EPHB2: variants seen among roughly 807,000 people sequenced by gnomAD.
EPHB2 encodes EPH receptor B2, also known as ephrin type-B receptor 2.
Under a neutral mutation model 96.4 loss-of-function variants are expected in EPHB2, and 18 were observed. The ratio of observed to expected loss-of-function variants is 0.19; its 90% CI spans 0.13 to 0.28. The LOEUF (loss-of-function observed/expected upper bound fraction) is 0.28. Ranked by LOEUF, EPHB2 falls within the 10% of genes least tolerant of loss-of-function variation. The pLI is 1.00. For synonymous variants in EPHB2, 506 were observed against 534.1 expected, an observed-to-expected ratio of 0.95 and a Z score of 0.72; for missense variants, 989 against 1,355.4, an observed-to-expected ratio of 0.73 and a Z score of 4.25.
Position 22,913,634 on chromosome 1 carries a change from C to A in EPHB2, c.*64C>A. 1 of 1,605,622 alleles carries A rather than the reference C, an allele frequency of 6.2e-7. No individual in the cohort carries two copies. The highest frequency in any genetic ancestry group is 8.5e-7 in the Non-Finnish European group (1 of 1,176,304). The stretch of plus-strand genomic sequence containing the variant: ...GCCCCCTCTGCCCCACGTGCCGGCC[C>A]TCCTGGTGCTCTATCCACTGCAGGG... On this transcript the variant is annotated 3_prime_UTR_variant, in exon 16 of 16. Coordinates refer to ENST00000374630, the MANE Select transcript of EPHB2 (RefSeq NM_017449.5). This position sits in a 1 kb window ranked among gnomAD's most constrained non-coding sequence, Gnocchi z 4.1.
Position 22,847,313 on chromosome 1 carries a change from C to T in EPHB2, c.812-15724C>T, listed in dbSNP as rs186537033. Among the ~76,000 whole-genome samples, 322 of 152,290 alleles carry T rather than the reference C, an allele frequency of 2.1e-3. 1 individual carries two copies. Among genetic ancestry groups the T allele is most frequent in the African/African-American group, 7.4e-3 (306 of 41,556 alleles). ...GACTCAGAGTTCAAGGCCAGAAGGA[C>T]CCTGTTGCAGAGCCTGTGCCCCTAA... On this transcript the variant is annotated intron_variant, in intron 3 of 15. Transcript: ENST00000374630.
At position 22,784,348 on chromosome 1, in the gene EPHB2, G is replaced by A. The variant is rs371650476; in HGVS notation, c.127-44G>A. On this transcript the variant is annotated intron_variant, in intron 2 of 15. Coordinates refer to ENST00000374630, the MANE Select transcript of EPHB2 (RefSeq NM_017449.5). This position sits in a 1 kb window ranked among gnomAD's most constrained non-coding sequence, Gnocchi z 5.1. ...CCACCTTAGACTGAGTGTGTGCTGG[G>A]GCTGAGCCCTTACCTCCCCACCTGA... The A allele has an allele frequency of 1.3e-6, 2 of 1,594,832 alleles. No homozygotes were observed. The highest frequency in any genetic ancestry group is 2.7e-5 in the African/African-American group (2 of 74,464).
intron 3 of EPHB2, among the ~76,000 whole-genome samples, chr1:22,837,380 G>A (rs1018441924): frequency 6.6e-6 from 1 of 152,114 alleles, no homozygotes; most frequent in African/African-American, 2.4e-5. Flanking sequence ...GCTGCTGTGC[G>A]GGGTGGGGAG....
chr1:22,754,609 C>A (rs539426929), intron 1 of EPHB2, among the ~76,000 whole-genome samples: 372 of 151,128 alleles, frequency 2.5e-3, no homozygotes, highest in African/African-American at 7.2e-3. Flanking sequence ...AGCTGGGGCT[C>A]GATCCCCCAG....
intron 1 of EPHB2, among the ~76,000 whole-genome samples, chr1:22,726,207 TCTC>T (rs1643577646): frequency 6.6e-6 from 1 of 152,080 alleles, no homozygotes; most frequent in African/African-American, 2.4e-5. Context: ...TTTTTCTCCT[TCTC>T]CTACTCCATT....
rs1416688109 is a variant in EPHB2, at chr1:22,790,971, G to C, written c.811+5895G>C. Among the ~76,000 whole-genome samples the C allele has an allele frequency of 6.6e-6, 1 of 152,084 alleles. No individual in the cohort carries two copies. Among genetic ancestry groups the C allele is most frequent in the African/African-American group, 2.4e-5 (1 of 41,410 alleles). On this transcript the variant is annotated intron_variant, in intron 3 of 15. Transcript: ENST00000374630. The surrounding 1 kb of genome is among the most constrained non-coding windows in gnomAD (Gnocchi z 4.0). ...AGCTCATGGCCTCTCCTTGACCTTG[G>C]CTTCAGAGACCTGCTTTCAAACCCC... is the stretch of plus-strand genomic sequence containing the variant.
chr1:22,846,543 G>A lies in EPHB2; in HGVS notation c.812-16494G>A, dbSNP rs1645546271. ...GAACTGCCCGATCTGCAGGCCTTGG[G>A]CATGGAGAGGTTGGCACGCACCTGT... On this transcript the variant is annotated intron_variant, in intron 3 of 15. Transcript: ENST00000374630. This position sits in a 1 kb window ranked among gnomAD's most constrained non-coding sequence, Gnocchi z 4.3. Among the ~76,000 whole-genome samples the A allele has an allele frequency of 6.6e-6, 1 of 152,178 alleles. No homozygotes were observed. The highest frequency in any genetic ancestry group is 1.9e-4 in the East Asian group (1 of 5,188).
At chr1:22,749,932 C>A (rs1017192142) in intron 1 of EPHB2, among the ~76,000 whole-genome samples, 1 of 152,188 alleles carries the variant, frequency 6.6e-6, no homozygotes, top group African/African-American at 2.4e-5. Flanking sequence ...AAAGGACTTT[C>A]TTCTCAAATT....
In EPHB2 at chr1:22,793,298, T is replaced by C. The variant is rs188132908; in HGVS notation, c.811+8222T>C. The stretch of plus-strand genomic sequence containing the variant: ...CCAGGTGTGGGAGCTGCCCAGATGC[T>C]GAAGGCCCTCCGTACCGTCCCTCGG... On this transcript the variant is annotated intron_variant, in intron 3 of 15. Coordinates refer to ENST00000374630, the MANE Select transcript of EPHB2 (RefSeq NM_017449.5). Among the ~76,000 whole-genome samples the C allele has an allele frequency of 3.9e-5, 6 of 152,272 alleles. No homozygotes were observed. The East Asian group carries it at 1.2e-3, about 29-fold the overall frequency.
rs544923880 is a variant in EPHB2 at position 22,885,926 on chromosome 1, C to A, written c.1428+3443C>A. Among the ~76,000 whole-genome samples the A allele has an allele frequency of 9.8e-5, 15 of 152,286 alleles. No individual in the cohort carries two copies. The South Asian group carries it at 3.1e-3, about 32-fold the overall frequency. On this transcript the variant is annotated intron_variant, in intron 6 of 15. Transcript: ENST00000374630. ...GCCAGTGGGGAGATGGACACTGGTT[C>A]AGTCAACTTTCACTCTCACCAGCTT...
intron 3 of EPHB2, among the ~76,000 whole-genome samples, chr1:22,851,171 AT>A (rs894294746): frequency 2.0e-5 from 3 of 151,970 alleles, no homozygotes; most frequent in African/African-American, 7.3e-5. Context: ...ATTTTTTAAA[AT>A]TTTTTTGTAG....
intron 1 of EPHB2, among the ~76,000 whole-genome samples, chr1:22,726,291 C>A (rs1313857672): frequency 6.6e-6 from 1 of 152,152 alleles, no homozygotes. Flanking sequence ...CTTCTTCCCT[C>A]ATCAATATCA....
At chr1:22,723,439 A>G (rs983191790) in intron 1 of EPHB2, among the ~76,000 whole-genome samples, 1 of 152,224 alleles carries the variant, frequency 6.6e-6, no homozygotes, top group African/African-American at 2.4e-5. Context: ...TCTCGGGAGA[A>G]CAGTGGAAAA....
At chr1:22,863,358 T>C in intron 4 of EPHB2, 166 bp downstream of exon 4, 1 of 1,101,382 alleles carries the variant, frequency 9.1e-7, no homozygotes, top group Non-Finnish European at 1.3e-6. Context: ...GTGGCCATGC[T>C]CCCACCTTGC....
intron 6 of EPHB2, among the ~76,000 whole-genome samples, chr1:22,885,129 C>T (rs1222589174): frequency 6.6e-6 from 1 of 152,130 alleles, no homozygotes; most frequent in Non-Finnish European, 1.5e-5. Context: ...AGCAGGAGTC[C>T]TGGGTCACCA....
rs925847610 is a variant in EPHB2 at position 22,732,862 on chromosome 1, G to C, written c.61+21819G>C. 4.6e-5 allele frequency among the ~76,000 whole-genome samples: 7 copies of C among 152,190 alleles called. 1 individual carries two copies. The highest frequency in any genetic ancestry group is 4.2e-4 in the South Asian group (2 of 4,816). ...TACCAGCAGCATCTAGTCCAGACCT[G>C]GCACATCACACACAAAAAATCAGCT... On this transcript the variant is annotated intron_variant, in intron 1 of 15. Coordinates refer to ENST00000374630, the MANE Select transcript of EPHB2 (RefSeq NM_017449.5).
chr1:22,781,996 C>T (rs569088968), intron 2 of EPHB2, among the ~76,000 whole-genome samples: 7 of 152,248 alleles, frequency 4.6e-5, no homozygotes, highest in Non-Finnish European at 8.8e-5. Context: ...GCTCTCTGCC[C>T]GCTTTCTGGG....
At chr1:22,876,775 C>A (rs1281211236) in intron 5 of EPHB2, among the ~76,000 whole-genome samples, 2 of 152,222 alleles carry the variant, frequency 1.3e-5, no homozygotes, top group Admixed American at 1.3e-4. Flanking sequence ...CTTTTCTCCG[C>A]CGTTAATCCC....
chr1:22,795,815 C>G (rs1251345977), intron 3 of EPHB2, among the ~76,000 whole-genome samples: 1 of 152,184 alleles, frequency 6.6e-6, no homozygotes, highest in African/African-American at 2.4e-5. Flanking sequence ...CTGGCTCTTT[C>G]TGGAGCCCCT....
Sources: gnomAD v4.1 joint callset for allele counts (sites outside exome capture counted in the v4.1 genomes callset) on GRCh38, gnomAD v4.1.1 for gene constraint, Gnocchi (gnomAD v3.1) non-coding constraint, MANE v1.5 for transcripts, NCBI Gene and HGNC (gene_info 2026-07-23, HGNC 2026-07-21) for gene names.